NECTIN3: variants seen among roughly 807,000 people sequenced by gnomAD.
The protein encoded by NECTIN3 is nectin cell adhesion molecule 3, also known as nectin-3.
NECTIN3 carries 8 observed loss-of-function variants against 49.4 expected under a neutral mutation model. That is an observed-to-expected ratio of 0.16 (90% CI 0.10 to 0.29). NECTIN3 has a LOEUF of 0.29. NECTIN3 is among the 10% of genes least tolerant of loss of function. NECTIN3 has a pLI of 1.00. For synonymous variants in NECTIN3, 277 were observed against 241.1 expected (o/e 1.15, Z -1.38); for missense variants, 581 against 654.6 (o/e 0.89, Z 1.23).
At chr3:111,116,619 C>T (rs1175701698) in intron 2 of NECTIN3, among the ~76,000 whole-genome samples, 4 of 152,008 alleles carry the variant, frequency 2.6e-5, no homozygotes, top group Non-Finnish European at 5.9e-5. Context: ...CACGTATAAT[C>T]ACAAATGACT....
chr3:111,096,438 TGAG>T (rs1037359124), intron 1 of NECTIN3, among the ~76,000 whole-genome samples: 6 of 152,234 alleles, frequency 3.9e-5, no homozygotes, highest in African/African-American at 7.2e-5. Context: ...TCCCATTTTC[TGAG>T]GAGAAATTCA....
rs2034569750 is a variant in NECTIN3, at chr3:111,136,197, A to T, written c.*1982A>T. On this transcript the variant is annotated 3_prime_UTR_variant, in exon 6 of 6. Coordinates refer to ENST00000485303, the MANE Select transcript of NECTIN3 (RefSeq NM_015480.3). The stretch of plus-strand genomic sequence containing the variant: ...AATAATGGTTTGAAATACTGTATGG[A>T]TCTGAACAGAATAATCACATTTAGG... 3 of 967,812 alleles carry T rather than the reference A, an allele frequency of 3.1e-6. No homozygotes were observed. The highest frequency in any genetic ancestry group is 3.7e-6 in the Non-Finnish European group (3 of 814,088). The allele number at this position is 967,812 out of a possible 1,614,324, so 60.0% of individuals were successfully genotyped here.
chr3:111,088,316 A>G (rs2032053666), intron 1 of NECTIN3, among the ~76,000 whole-genome samples: 1 of 152,168 alleles, frequency 6.6e-6, no homozygotes, highest in South Asian at 2.1e-4. Flanking sequence ...CCATGCCAAA[A>G]GTGTCCTAAG....
chr3:111,138,952 C>T (rs2034671757), downstream of NECTIN3, among the ~76,000 whole-genome samples: 1 of 151,164 alleles, frequency 6.6e-6, no homozygotes, highest in Admixed American at 6.6e-5. Flanking sequence ...GTGACTGGGC[C>T]TTTCTTAAAA....
At chr3:111,191,747 CAG>C (rs1240869052), upstream of NECTIN3, among the ~76,000 whole-genome samples, 1 of 152,174 alleles carries the variant, frequency 6.6e-6, no homozygotes, top group Non-Finnish European at 1.5e-5. Flanking sequence ...TCTGAGAAGA[CAG>C]AAGACCTTCT....
At chr3:111,126,410 G>A in intron 5 of NECTIN3, 75 bp downstream of exon 5, 1 of 1,252,500 alleles carries the variant, frequency 8.0e-7, no homozygotes, top group Admixed American at 2.4e-5. Flanking sequence ...ATGATCCTAA[G>A]CAATAATTTG....
At chr3:111,110,397 CT>C (rs1559783931) in intron 1 of NECTIN3, among the ~76,000 whole-genome samples, 1 of 151,702 alleles carries the variant, frequency 6.6e-6, no homozygotes, top group Non-Finnish European at 1.5e-5. Context: ...TATTAAATAC[CT>C]TTTTAACATC....
intron 5 of NECTIN3, among the ~76,000 whole-genome samples, chr3:111,132,620 A>T (rs2034434327): frequency 6.6e-6 from 1 of 151,740 alleles, no homozygotes; most frequent in African/African-American, 2.4e-5. Context: ...CCAGTCTTTA[A>T]TTTTTGCTAT....
rs187151201 is a variant in NECTIN3 at position 111,098,004 on chromosome 3, C to T, written c.161-14026C>T. 2.0e-5 allele frequency among the ~76,000 whole-genome samples: 3 copies of T among 152,276 alleles called. No homozygotes were observed. The East Asian group carries it at 5.8e-4, about 29-fold the overall frequency. On this transcript the variant is annotated intron_variant, in intron 1 of 5. Coordinates refer to ENST00000485303, the MANE Select transcript of NECTIN3 (RefSeq NM_015480.3). ...CTTGAGTTACATTACTAGAATTGAA[C>T]ATGGAGATCAATTTGAAAACCACTT... is the stretch of plus-strand genomic sequence containing the variant.
At chr3:111,167,029 C>G (rs773334078) in intron 7 of NECTIN3, among the ~76,000 whole-genome samples, 4 of 152,044 alleles carry the variant, frequency 2.6e-5, no homozygotes, top group Non-Finnish European at 5.9e-5. Flanking sequence ...TAGCCACATT[C>G]ACTTTGTAAA....
At chr3:111,124,940 T>A (rs1406770264) in intron 4 of NECTIN3, among the ~76,000 whole-genome samples, 1 of 151,918 alleles carries the variant, frequency 6.6e-6, no homozygotes, top group East Asian at 1.9e-4. Context: ...AATAAGTGAA[T>A]AAACTTTTTG....
chr3:111,128,306 A>G (rs1383028918), intron 5 of NECTIN3, among the ~76,000 whole-genome samples: 2 of 151,546 alleles, frequency 1.3e-5, no homozygotes, highest in Non-Finnish European at 2.9e-5. Context: ...CATGGATGAC[A>G]GAGCGAAACT....
At chr3:111,080,475 A>T (rs529090782) in intron 1 of NECTIN3, among the ~76,000 whole-genome samples, 3 of 152,262 alleles carry the variant, frequency 2.0e-5, no homozygotes, top group African/African-American at 7.2e-5. Context: ...TAAGAAAAAT[A>T]CATGTTTTTC....
chr3:111,118,248 C>CTATATATATATATTATA (rs2033776356), intron 2 of NECTIN3, among the ~76,000 whole-genome samples: 1 of 78,002 alleles, frequency 1.3e-5, no homozygotes, highest in Non-Finnish European at 2.6e-5. Flanking sequence ...TAAAATGAAG[C>CTATATATATATATTATA]TATATATATA....
At chr3:111,115,512 G>C (rs1330152192) in intron 2 of NECTIN3, among the ~76,000 whole-genome samples, 1 of 152,196 alleles carries the variant, frequency 6.6e-6, no homozygotes, top group Admixed American at 6.5e-5. Context: ...CAGAATTTCA[G>C]ATCCCTCTTA....
intron 2 of NECTIN3, among the ~76,000 whole-genome samples, chr3:111,114,690 G>A (rs780842515): frequency 5.3e-5 from 8 of 152,066 alleles, no homozygotes; most frequent in Non-Finnish European, 8.8e-5. Flanking sequence ...ATATGAAAAT[G>A]GTATTCTAGG....
intron 7 of NECTIN3, among the ~76,000 whole-genome samples, chr3:111,174,099 G>C (rs2035481910): frequency 6.6e-6 from 1 of 152,116 alleles, no homozygotes; most frequent in African/African-American, 2.4e-5. Flanking sequence ...ACCTAACCCA[G>C]TACTCCCAGT....
rs1289988979 is a variant in NECTIN3 at position 111,112,235 on chromosome 3, G to A, written c.366G>A (p.Leu122=). ...SVQGEYQGRV[L]FKNYSLNDAT... is the part of the protein sequence containing the mutation. ...AAGGAGAATATCAGGGAAGAGTCTT[G>A]TTTAAAAATTACTCACTTAATGATG... is the stretch of plus-strand genomic sequence containing the variant. Residue 122 remains leucine, a synonymous_variant, in exon 2 of 6, where the codon TTG becomes TTA. Coordinates refer to ENST00000485303, the MANE Select transcript of NECTIN3 (RefSeq NM_015480.3). 3.7e-6 allele frequency: 6 copies of A among 1,613,772 alleles called. No individual in the cohort carries two copies. The highest frequency in any genetic ancestry group is 3.3e-4 in the Middle Eastern group (2 of 6,062).
rs971839603 is a variant in NECTIN3, at chr3:111,137,508, A to G, written c.*3293A>G. The stretch of plus-strand genomic sequence containing the variant: ...AACCTGTGTATTAGGTGTTAGCCCC[A>G]ATAGCCATGCATGAAATCTTTAAAT... On this transcript the variant is annotated 3_prime_UTR_variant, in exon 6 of 6. Coordinates refer to ENST00000485303, the MANE Select transcript of NECTIN3 (RefSeq NM_015480.3). 1.5e-5 allele frequency: 13 copies of G among 886,208 alleles called. No individual in the cohort carries two copies. Among genetic ancestry groups the G allele is most frequent in the East Asian group, 2.1e-4 (1 of 4,800 alleles). 54.9% of individuals were successfully genotyped at this position (886,208 alleles called of 1,614,324 possible).
Sources: gnomAD v4.1 joint callset for allele counts (sites outside exome capture counted in the v4.1 genomes callset) on GRCh38, gnomAD v4.1.1 for gene constraint, MANE v1.5 for transcripts, NCBI Gene and HGNC (gene_info 2026-07-23, HGNC 2026-07-21) for gene names.